PDE7B: variants seen among roughly 807,000 people sequenced by gnomAD.
PDE7B encodes the protein 3',5'-cyclic-AMP phosphodiesterase 7B.
Under a neutral mutation model 56.2 loss-of-function variants are expected in PDE7B, and 29 were observed. The ratio of observed to expected loss-of-function variants is 0.52; its 90% confidence interval spans 0.38 to 0.70. The LOEUF is 0.70. Ranked by LOEUF, PDE7B falls within the 30% of genes least tolerant of loss-of-function variation. The pLI is 0.00. For missense variants in PDE7B, 490 were observed against 565.0 expected (o/e 0.87, Z 1.35); for synonymous variants, 197 against 196.9 (o/e 1.00, Z 0.00).
At chr6:136,044,313 G>T (rs186629467) in intron 2 of PDE7B, 13 of 151,808 alleles carry the variant, frequency 8.6e-5, no homozygotes, top group Admixed American at 8.5e-4. Flanking sequence ...TTTTTTTCAT[G>T]TTTTCCCTAA....
At chr6:135,907,814 C>T (rs1040283366) in intron 1 of PDE7B, among the ~76,000 whole-genome samples, 4 of 151,966 alleles carry the variant, frequency 2.6e-5, no homozygotes, top group African/African-American at 9.7e-5. Flanking sequence ...TTAATAAAGA[C>T]AGATATATCC....
intron 2 of PDE7B, among the ~76,000 whole-genome samples, chr6:136,015,882 T>C (rs936310157): frequency 6.6e-6 from 1 of 152,196 alleles, no homozygotes; most frequent in African/African-American, 2.4e-5. Context: ...AAAAAAGTAA[T>C]TTAGCCTTTA....
intron 2 of PDE7B, among the ~76,000 whole-genome samples, chr6:136,008,644 G>C (rs1393251829): frequency 1.3e-5 from 2 of 152,214 alleles, no homozygotes; most frequent in East Asian, 3.8e-4. Context: ...TTTGAGAAGT[G>C]TCTGTTCACG....
intron 8 of PDE7B, among the ~76,000 whole-genome samples, chr6:136,172,090 A>G (rs979886100): frequency 6.6e-6 from 1 of 152,120 alleles, no homozygotes; most frequent in African/African-American, 2.4e-5. Flanking sequence ...TAGTGCTGCT[A>G]TAAACATACG....
chr6:136,052,128 G>T (rs1407790742), intron 2 of PDE7B, among the ~76,000 whole-genome samples: 2 of 151,384 alleles, frequency 1.3e-5, no homozygotes, highest in Admixed American at 6.6e-5. Context: ...CTTATATGAA[G>T]CTTACAATAA....
chr6:136,047,975 AAGTT>A (rs769052953), intron 2 of PDE7B, among the ~76,000 whole-genome samples: 3 of 152,202 alleles, frequency 2.0e-5, no homozygotes, highest in African/African-American at 4.8e-5. Context: ...TTATTCAACT[AAGTT>A]TGTTTGGTGC....
At chr6:136,041,041 C>T (rs944750924) in intron 2 of PDE7B, among the ~76,000 whole-genome samples, 19 of 152,310 alleles carry the variant, frequency 1.2e-4, no homozygotes, top group African/African-American at 4.1e-4. Flanking sequence ...AATGTTATAA[C>T]ATTCTGTGTA....
chr6:135,963,448 C>T (rs1436870813), intron 2 of PDE7B, among the ~76,000 whole-genome samples: 1 of 152,096 alleles, frequency 6.6e-6, no homozygotes, highest in Non-Finnish European at 1.5e-5. Flanking sequence ...CTCTGAGTGT[C>T]CTAATGTCTG....
intron 1 of PDE7B, among the ~76,000 whole-genome samples, chr6:135,860,923 C>T (rs967048719): frequency 2.6e-5 from 4 of 151,558 alleles, no homozygotes; most frequent in Non-Finnish European, 5.9e-5. Flanking sequence ...ACCATTGAAC[C>T]CCTACATAGA....
chr6:136,053,309 T>C (rs1776667762), intron 2 of PDE7B, among the ~76,000 whole-genome samples: 1 of 149,340 alleles, frequency 6.7e-6, no homozygotes, highest in African/African-American at 2.5e-5. Context: ...ACATGCGGTG[T>C]TTGGTTTTTT....
chr6:135,895,437 C>A (rs1775881922), intron 1 of PDE7B, among the ~76,000 whole-genome samples: 9 of 152,066 alleles, frequency 5.9e-5, no homozygotes, highest in Admixed American at 5.9e-4. Flanking sequence ...GGAAAGAGAC[C>A]TGGTGCCCTG....
chr6:136,056,512 CTTTTTTTTTTTTTTTTTTTTTTTTT>C (rs542232291), intron 2 of PDE7B, among the ~76,000 whole-genome samples: 3 of 53,904 alleles, frequency 5.6e-5, no homozygotes, highest in Admixed American at 2.7e-4. Context: ...AGATAGAATC[CTTTTTTTTTTTTTTTTTTTTTTTTT>C]TTTTTTTTTT....
intron 1 of PDE7B, among the ~76,000 whole-genome samples, chr6:135,934,110 A>T (rs544082936): frequency 3.2e-4 from 49 of 152,288 alleles, no homozygotes; most frequent in African/African-American, 1.2e-3. Flanking sequence ...ATTAAAACTC[A>T]TGTCAATGAT....
chr6:135,949,457 C>T (rs570833561), intron 2 of PDE7B, among the ~76,000 whole-genome samples: 1 of 151,972 alleles, frequency 6.6e-6, no homozygotes, highest in South Asian at 2.1e-4. Flanking sequence ...AATGAATCTG[C>T]CAGATTGCAC....
intron 2 of PDE7B, among the ~76,000 whole-genome samples, chr6:136,028,171 TTAA>T (rs1197651252): frequency 2.8e-4 from 43 of 152,208 alleles, no homozygotes; most frequent in African/African-American, 9.6e-4. Context: ...CACTGAGACG[TTAA>T]GTTAAGAAGT....
At chr6:136,057,967 C>G (rs1420344034) in intron 2 of PDE7B, among the ~76,000 whole-genome samples, 1 of 152,134 alleles carries the variant, frequency 6.6e-6, no homozygotes, top group Non-Finnish European at 1.5e-5. Context: ...GAACTCCTGA[C>G]CTCAGGTAAT....
intron 11 of PDE7B, 33 bp downstream of exon 11, chr6:136,181,356 G>T (rs764666678): frequency 1.2e-5 from 15 of 1,288,786 alleles, no homozygotes; most frequent in Non-Finnish European, 1.7e-5. Flanking sequence ...AGATTTCATT[G>T]CCCTGTCTTC....
chr6:135,955,980 G>C (rs565217625), intron 2 of PDE7B, among the ~76,000 whole-genome samples: 1 of 152,148 alleles, frequency 6.6e-6, no homozygotes, highest in South Asian at 2.1e-4. Flanking sequence ...AGCTCAGAAG[G>C]AGGGCTCTGC....
At chr6:136,038,447 G>C (rs548552896) in intron 2 of PDE7B, 3 of 1,290,250 alleles carry the variant, frequency 2.3e-6, no homozygotes, top group East Asian at 1.1e-4. Context: ...GGTAAAGCTG[G>C]TTTGGAAATC....
Sources: allele counts gnomAD v4.1 joint callset (sites outside exome capture counted in the v4.1 genomes callset), GRCh38; gene constraint gnomAD v4.1.1; transcripts MANE v1.5; gene names NCBI Gene and HGNC (gene_info 2026-07-23, HGNC 2026-07-21).